NOS1AP: variants seen among roughly 807,000 people sequenced by gnomAD.
The protein encoded by NOS1AP is nitric oxide synthase 1 adaptor protein.
NOS1AP carries 21 observed loss-of-function variants against 56.2 expected under a neutral mutation model. The observed-to-expected ratio is 0.37, with a 90% CI of 0.26 to 0.54. The LOEUF is 0.54. Among genes scored for constraint, NOS1AP ranks in the 20% least tolerant of loss-of-function variants. NOS1AP has a pLI of 0.84. For missense variants in NOS1AP, 522 were observed against 657.8 expected (o/e 0.79, Z 2.26); for synonymous variants, 270 against 274.6 (o/e 0.98, Z 0.17).
chr1:162,236,618 A>T (rs1653299766), intron 2 of NOS1AP, among the ~76,000 whole-genome samples: 1 of 150,794 alleles, frequency 6.6e-6, no homozygotes, highest in Non-Finnish European at 1.5e-5. Flanking sequence ...TCCTCTTTCC[A>T]TTTTTTGCTT....
chr1:162,344,513 T>G (rs1458747308), intron 6 of NOS1AP, among the ~76,000 whole-genome samples: 1 of 152,060 alleles, frequency 6.6e-6, no homozygotes, highest in African/African-American at 2.4e-5. Context: ...CTGGCCAACA[T>G]GGCAAATCCC....
intron 2 of NOS1AP, among the ~76,000 whole-genome samples, chr1:162,269,494 A>G (rs1654520681): frequency 6.6e-6 from 1 of 152,212 alleles, no homozygotes; most frequent in Non-Finnish European, 1.5e-5. Context: ...ATTTTTGAAA[A>G]TTAATCTTAA....
intron 2 of NOS1AP, among the ~76,000 whole-genome samples, chr1:162,204,042 T>G (rs1175051482): frequency 6.6e-6 from 1 of 152,096 alleles, no homozygotes; most frequent in Non-Finnish European, 1.5e-5. Flanking sequence ...CTCCACAGTA[T>G]GGCCAGAGTG....
At chr1:162,094,644 T>A (rs1163054217) in intron 1 of NOS1AP, among the ~76,000 whole-genome samples, 1 of 152,190 alleles carries the variant, frequency 6.6e-6, no homozygotes, top group Non-Finnish European at 1.5e-5. Flanking sequence ...TTCTGGGACA[T>A]TTTAGGGACC....
chr1:162,100,815 C>T (rs1455443399), intron 1 of NOS1AP, among the ~76,000 whole-genome samples: 1 of 151,952 alleles, frequency 6.6e-6, no homozygotes, highest in Admixed American at 6.6e-5. Context: ...TGTTTAAGTT[C>T]CTCATAGACT....
intron 4 of NOS1AP, among the ~76,000 whole-genome samples, chr1:162,331,384 T>G (rs372943979): frequency 2.6e-5 from 4 of 152,254 alleles, no homozygotes; most frequent in East Asian, 1.9e-4. Context: ...TGGGGTCCTG[T>G]GGCAAGAATC....
At chr1:162,123,862 C>T (rs1481558668) in intron 1 of NOS1AP, among the ~76,000 whole-genome samples, 1 of 151,886 alleles carries the variant, frequency 6.6e-6, no homozygotes, top group Non-Finnish European at 1.5e-5. Flanking sequence ...TTCTATAAGT[C>T]CTTCAGAGTG....
intron 1 of NOS1AP, among the ~76,000 whole-genome samples, chr1:162,123,035 T>C (rs1648308976): frequency 6.6e-6 from 1 of 152,252 alleles, no homozygotes; most frequent in Non-Finnish European, 1.5e-5. Context: ...TATTTATTGT[T>C]AAAAATACTG....
At chr1:162,177,450 G>A (rs1027003102) in intron 2 of NOS1AP, among the ~76,000 whole-genome samples, 22 of 152,078 alleles carry the variant, frequency 1.4e-4, no homozygotes, top group Non-Finnish European at 4.4e-5. Flanking sequence ...GTTTTGCCAG[G>A]TAGGTCAGCT....
chr1:162,137,519 G>A (rs1649056122), intron 1 of NOS1AP, among the ~76,000 whole-genome samples: 1 of 152,120 alleles, frequency 6.6e-6, no homozygotes, highest in African/African-American at 2.4e-5. Flanking sequence ...TGAAGCTGAG[G>A]CAGTCCAGGG....
At position 162,154,468 on chromosome 1, in the gene NOS1AP, C is replaced by A. The variant is rs530681530; in HGVS notation, c.169C>A (p.Arg57=). ...GGTGGAGATCGTGGCTGCCATGCGCCGGATACGGGTGAGTGGCCAGAGGTG... is the reference window on the plus strand; with the variant it reads ...GGTGGAGATCGTGGCTGCCATGCGCAGGATACGGGTGAGTGGCCAGAGGTG... The part of the protein sequence containing the change: ...SRVEIVAAMR[R]IRYEFKAKNI... Residue 57 remains arginine (R), a synonymous_variant, in exon 2 of 10, where the codon CGG becomes AGG. Transcript: ENST00000361897. 1 of 1,613,970 alleles carries A rather than the reference C, an allele frequency of 6.2e-7. No individual in the cohort carries two copies. The highest frequency in any genetic ancestry group is 2.2e-5 in the East Asian group (1 of 44,856).
intron 6 of NOS1AP, among the ~76,000 whole-genome samples, chr1:162,346,376 A>G (rs1458474555): frequency 1.3e-5 from 2 of 152,254 alleles, no homozygotes; most frequent in Non-Finnish European, 2.9e-5. Flanking sequence ...TTCTCTATGA[A>G]CTGATTTAAA....
intron 2 of NOS1AP, among the ~76,000 whole-genome samples, chr1:162,179,510 A>T (rs532081303): frequency 3.9e-5 from 6 of 152,262 alleles, no homozygotes; most frequent in Non-Finnish European, 8.8e-5. Flanking sequence ...CTGCAGATGC[A>T]TCCAGTCTGT....
intron 2 of NOS1AP, among the ~76,000 whole-genome samples, chr1:162,245,797 G>A (rs950798250): frequency 6.6e-6 from 1 of 152,226 alleles, no homozygotes; most frequent in African/African-American, 2.4e-5. Flanking sequence ...ATGTCTTTAA[G>A]TATTCTCTTT....
intron 2 of NOS1AP, among the ~76,000 whole-genome samples, chr1:162,177,260 T>A (rs574811393): frequency 7.9e-5 from 12 of 152,336 alleles, no homozygotes; most frequent in African/African-American, 2.4e-4. Context: ...TACGCCATTG[T>A]GTTAATTAGG....
chr1:162,303,907 T>A (rs1655739012), intron 4 of NOS1AP, among the ~76,000 whole-genome samples: 1 of 49,720 alleles, frequency 2.0e-5, no homozygotes, highest in Non-Finnish European at 5.2e-5. Flanking sequence ...GGCTTGTCTT[T>A]TTTTTTTTTT....
At chr1:162,102,208 G>A (rs1647305597) in intron 1 of NOS1AP, among the ~76,000 whole-genome samples, 1 of 152,180 alleles carries the variant, frequency 6.6e-6, no homozygotes, top group Non-Finnish European at 1.5e-5. Flanking sequence ...AGATAATCAT[G>A]TAGATTTTAT....
At chr1:162,118,754 A>C (rs1389111768) in intron 1 of NOS1AP, among the ~76,000 whole-genome samples, 1 of 152,220 alleles carries the variant, frequency 6.6e-6, no homozygotes, top group Non-Finnish European at 1.5e-5. Context: ...AATTTGCTCC[A>C]TGTTTACTGA....
chr1:162,134,944 A>T (rs968645229), intron 1 of NOS1AP, among the ~76,000 whole-genome samples: 2 of 152,190 alleles, frequency 1.3e-5, no homozygotes, highest in African/African-American at 4.8e-5. Flanking sequence ...ACACACCAAC[A>T]GGCCATGCTG....
Sources: gnomAD v4.1 joint callset for allele counts (sites outside exome capture counted in the v4.1 genomes callset) on GRCh38, gnomAD v4.1.1 for gene constraint, MANE v1.5 for transcripts, NCBI Gene and HGNC (gene_info 2026-07-23, HGNC 2026-07-21) for gene names.